STAT5B: variants seen among roughly 807,000 people sequenced by gnomAD.
STAT5B encodes transcription factor STAT5B.
STAT5B carries 21 observed loss-of-function variants against 107.8 expected under a neutral mutation model. The observed-to-expected ratio is 0.19, with a 90% confidence interval of 0.14 to 0.28. The LOEUF is 0.28. Among genes scored for constraint, STAT5B ranks in the 10% least tolerant of loss-of-function variants. The pLI, the probability that STAT5B is intolerant of heterozygous loss-of-function variation, is 1.00. For synonymous variants in STAT5B, 325 were observed against 401.7 expected, an observed-to-expected ratio of 0.81 and a Z score of 2.28; for missense variants, 565 against 1,008.2, an observed-to-expected ratio of 0.56 and a Z score of 5.95.
At chr17:42,277,041 G>A (rs1247045383), upstream of STAT5B, among the ~76,000 whole-genome samples, 1 of 152,200 alleles carries the variant, frequency 6.6e-6, no homozygotes, top group Non-Finnish European at 1.5e-5. Context: ...GGAAAATCTG[G>A]CTGGCTCCCA....
chr17:42,240,271 T>C (rs893840824), intron 1 of STAT5B, among the ~76,000 whole-genome samples: 1 of 152,064 alleles, frequency 6.6e-6, no homozygotes, highest in Non-Finnish European at 1.5e-5. Flanking sequence ...TAAATATGGA[T>C]AGGAATGGAT....
At chr17:42,207,763 A>G (rs1423858089) in intron 15 of STAT5B, 35 bp from the exon 16 acceptor site, 4 of 1,610,740 alleles carry the variant, frequency 2.5e-6, no homozygotes, top group Non-Finnish European at 3.4e-6. Flanking sequence ...CATTCTAAAC[A>G]TGATTTCTGA....
At chr17:42,278,965 G>C (rs1186012216), upstream of STAT5B, among the ~76,000 whole-genome samples, 1 of 151,448 alleles carries the variant, frequency 6.6e-6, no homozygotes, top group East Asian at 1.9e-4. Flanking sequence ...GGGCGACAGA[G>C]TGAGACTCCA....
At position 42,201,270 on chromosome 17, in the gene STAT5B, C is replaced by T; in HGVS notation, c.*468G>A. ...AGCAGAGACAATCACGGTTATATAT[C>T]AATTGCTTGGCAGACAGAGTGACGA... On this transcript the variant is annotated 3_prime_UTR_variant, in exon 19 of 19. Coordinates refer to ENST00000293328, the MANE Select transcript of STAT5B (RefSeq NM_012448.4). The T allele has an allele frequency of 2.1e-6, 1 of 474,650 alleles. No individual in the cohort carries two copies. Among genetic ancestry groups the T allele is most frequent in the Non-Finnish European group, 3.7e-6 (1 of 270,462 alleles). 29.4% of individuals were successfully genotyped at this position (474,650 alleles called of 1,614,324 possible). A position where few individuals can be genotyped will look rare whatever the true frequency, so the allele number is the denominator to read the frequency against.
chr17:42,201,260 G>T lies in STAT5B; in HGVS notation c.*478C>A. The T allele has an allele frequency of 2.3e-6, 1 of 444,178 alleles. No homozygotes were observed. The highest frequency in any genetic ancestry group is 4.0e-6 in the Non-Finnish European group (1 of 252,232). 27.5% of individuals were successfully genotyped at this position (444,178 alleles called of 1,614,324 possible). On this transcript the variant is annotated 3_prime_UTR_variant, in exon 19 of 19. Transcript: ENST00000293328. ...TCAGAAGAAAAGCAGAGACAATCACGGTTATATATCAATTGCTTGGCAGAC... is the reference window on the plus strand; with the variant it reads ...TCAGAAGAAAAGCAGAGACAATCACTGTTATATATCAATTGCTTGGCAGAC...
chr17:42,264,976 T>C (rs1353602724), intron 1 of STAT5B, among the ~76,000 whole-genome samples: 1 of 123,794 alleles, frequency 8.1e-6, no homozygotes, highest in Non-Finnish European at 1.7e-5. Flanking sequence ...GAGCATTTTT[T>C]CATGTGTTTT....
chr17:42,230,519 C>T (rs1314250730), intron 2 of STAT5B, among the ~76,000 whole-genome samples: 1 of 152,088 alleles, frequency 6.6e-6, no homozygotes, highest in Non-Finnish European at 1.5e-5. Flanking sequence ...CTGCACTGTA[C>T]TAATTCTAAA....
intron 2 of STAT5B, among the ~76,000 whole-genome samples, 191 bp downstream of exon 2, chr17:42,231,809 C>T (rs1260590342): frequency 6.6e-6 from 1 of 152,098 alleles, no homozygotes; most frequent in Non-Finnish European, 1.5e-5. Context: ...TATTCCATCC[C>T]CTCAATCTAA....
In STAT5B at chr17:42,256,861, C is replaced by CAA. The variant is rs781345676; in HGVS notation, c.-11+19385_-11+19386dup. ...TGGGTGACAGAGCGAGACTCTGTCT[C>CAA]AAAAAAAAAAAAAAAAAAAAAAAAA... On this transcript the variant is annotated intron_variant, in intron 1 of 18. Coordinates refer to ENST00000293328, the MANE Select transcript of STAT5B (RefSeq NM_012448.4). Among the ~76,000 whole-genome samples the CAA allele has an allele frequency of 2.7e-3, 121 of 44,790 alleles. 21 individuals carry two copies. Among genetic ancestry groups the CAA allele is most frequent in the African/African-American group, 9.0e-3 (96 of 10,638 alleles). 29.4% of individuals were successfully genotyped at this position (44,790 alleles called of 152,430 possible).
chr17:42,269,158 C>T (rs948186549), intron 1 of STAT5B, among the ~76,000 whole-genome samples: 1 of 152,212 alleles, frequency 6.6e-6, no homozygotes, highest in Non-Finnish European at 1.5e-5. Flanking sequence ...ACTGTAACCT[C>T]TGCCTCCTGG....
Position 42,212,133 on chromosome 17 carries a change from G to A in STAT5B, c.1531C>T (p.Leu511Phe). The change falls in exon 13 of 19, where the codon CTC becomes TTC. Residue 511 changes from leucine (L) to phenylalanine (F), a missense_variant. Around this residue, in one of 11 missense-constraint regions of STAT5B, gnomAD observed 127 missense variants for 215.8 expected, o/e 0.59. Coordinates refer to ENST00000293328, the MANE Select transcript of STAT5B (RefSeq NM_012448.4). ...ACTTCGGCCTTGAATTTCATGTTGA[G>A]CGCCTCACACAGCTGTGGCCACAGC... ...KVLWPQLCEALNMKFKAEVQS... is the reference protein window; with the variant it reads ...KVLWPQLCEAFNMKFKAEVQS... 1 of 1,614,154 alleles carries A rather than the reference G, an allele frequency of 6.2e-7. No individual in the cohort carries two copies. The highest frequency in any genetic ancestry group is 8.5e-7 in the Non-Finnish European group (1 of 1,180,014).
At chr17:42,233,355 T>G (rs1567666029) in intron 1 of STAT5B, among the ~76,000 whole-genome samples, 1 of 152,192 alleles carries the variant, frequency 6.6e-6, no homozygotes, top group African/African-American at 2.4e-5. Context: ...GTTCACCTCC[T>G]GAGTTACTGC....
intron 1 of STAT5B, chr17:42,235,094 G>C (rs1029247410): frequency 1.4e-4 from 22 of 152,182 alleles, no homozygotes; most frequent in Non-Finnish European, 1.5e-5. Context: ...GACAAAAGAA[G>C]GAAAGCTATG....
chr17:42,217,861 C>T (rs886674704), intron 9 of STAT5B: 2 of 455,730 alleles, frequency 4.4e-6, no homozygotes, highest in Admixed American at 3.5e-5. Context: ...CCTGCCACCA[C>T]GCCCGGCTAA....
chr17:42,218,328 G>A lies in STAT5B; in HGVS notation c.992C>T (p.Thr331Met), dbSNP rs753213429. The change falls in exon 9 of 19, where the codon ACG becomes ATG. Residue 331 changes from threonine to methionine, a missense_variant and splice_region_variant. Thr to Met is a moderately conservative substitution (Grantham distance 81). Coordinates refer to ENST00000293328, the MANE Select transcript of STAT5B (RefSeq NM_012448.4). ...TDIISALVTSTFIIEKQPPQV... is the reference protein window; with the variant it reads ...TDIISALVTSMFIIEKQPPQV... ...AGGAGGCTGCTTCTCAATGATGAAC[G>A]TGCTGCAGGGGACACAGGGACAGAT... The A allele has an allele frequency of 3.1e-6, 5 of 1,613,484 alleles. No homozygotes were observed. Among genetic ancestry groups the A allele is most frequent in the South Asian group, 1.1e-5 (1 of 91,050 alleles).
chr17:42,254,449 T>C (rs2080524900), intron 1 of STAT5B, among the ~76,000 whole-genome samples: 1 of 152,220 alleles, frequency 6.6e-6, no homozygotes, highest in African/African-American at 2.4e-5. Context: ...TTCGAAGCTG[T>C]CCTCTCTTTG....
At chr17:42,262,646 G>C (rs2080609043) in intron 1 of STAT5B, among the ~76,000 whole-genome samples, 1 of 150,718 alleles carries the variant, frequency 6.6e-6, no homozygotes, top group Non-Finnish European at 1.5e-5. Context: ...AGCCAATGCA[G>C]AAAATATATT....
At chr17:42,270,008 G>A (rs898350474) in intron 1 of STAT5B, among the ~76,000 whole-genome samples, 4 of 151,952 alleles carry the variant, frequency 2.6e-5, no homozygotes, top group Admixed American at 6.6e-5. Flanking sequence ...TCAGGAGTTC[G>A]AGACCAGCCT....
At chr17:42,236,095 C>T (rs2080354681) in intron 1 of STAT5B, among the ~76,000 whole-genome samples, 1 of 152,046 alleles carries the variant, frequency 6.6e-6, no homozygotes, top group South Asian at 2.1e-4. Context: ...ATGAACATGC[C>T]ATAATAATTA....
Sources: gnomAD v4.1 joint callset for allele counts (sites outside exome capture counted in the v4.1 genomes callset) on GRCh38, gnomAD v4.1.1 for gene constraint, gnomAD v4.1.1 regional missense constraint, MANE v1.5 for transcripts, NCBI Gene and HGNC (gene_info 2026-07-23, HGNC 2026-07-21) for gene names.